Variants in WDPCP observed in about 807,000 individuals in gnomAD.
The protein encoded by WDPCP is WD repeat containing planar cell polarity effector.
In WDPCP, 71 loss-of-function variants were observed where a neutral mutation model predicts 93.1. The ratio of observed to expected loss-of-function variants is 0.76; its 90% CI spans 0.63 to 0.93. The LOEUF (loss-of-function observed/expected upper bound fraction) is 0.93. Among genes scored for constraint, WDPCP ranks in the 40% least tolerant of loss-of-function variants. The pLI, the probability that WDPCP is intolerant of heterozygous loss-of-function variation, is 0.00. For missense variants in WDPCP, 844 were observed against 887.4 expected (o/e 0.95, Z 0.62); for synonymous variants, 315 against 315.0 (o/e 1.00, Z 0.00).
chr2:63,237,048 C>A (rs888896181), intron 14 of WDPCP, among the ~76,000 whole-genome samples: 2 of 151,758 alleles, frequency 1.3e-5, no homozygotes, highest in African/African-American at 4.8e-5. Context: ...AAATAGATAA[C>A]CTACAGAATG....
intron 2 of WDPCP, among the ~76,000 whole-genome samples, chr2:63,808,250 A>G (rs1377225637): frequency 6.6e-6 from 1 of 152,088 alleles, no homozygotes; most frequent in African/African-American, 2.4e-5. Context: ...TAAAACATAG[A>G]GAACATTTTA....
upstream of WDPCP, among the ~76,000 whole-genome samples, chr2:63,828,483 G>A (rs1473395391): frequency 1.3e-5 from 2 of 152,118 alleles, no homozygotes; most frequent in South Asian, 2.1e-4. Flanking sequence ...GGGAGAGACC[G>A]TTTTACTCAT....
chr2:63,820,711 A>G (rs188201916), intron 1 of WDPCP, among the ~76,000 whole-genome samples: 25 of 152,230 alleles, frequency 1.6e-4, no homozygotes, highest in African/African-American at 5.5e-4. Flanking sequence ...TTTTTAGGAA[A>G]CGGTGGTTTT....
intron 1 of WDPCP, among the ~76,000 whole-genome samples, chr2:63,534,967 G>A (rs1279207985): frequency 2.6e-5 from 4 of 152,180 alleles, no homozygotes; most frequent in East Asian, 1.9e-4. Flanking sequence ...AAACCCCCTC[G>A]TCTCAGCCCA....
At chr2:63,488,186 A>T (rs1700677507) in intron 2 of WDPCP, among the ~76,000 whole-genome samples, 1 of 152,106 alleles carries the variant, frequency 6.6e-6, no homozygotes, top group Non-Finnish European at 1.5e-5. Context: ...TCTATGAATA[A>T]TAAAATATTT....
chr2:63,131,280 C>T (rs1451709897), intron 17 of WDPCP, among the ~76,000 whole-genome samples: 1 of 151,402 alleles, frequency 6.6e-6, no homozygotes, highest in Non-Finnish European at 1.5e-5. Flanking sequence ...TTCTTACTGC[C>T]CTCCCTTTGT....
chr2:63,571,658 C>A (rs1421525621), intron 1 of WDPCP: 2 of 468,592 alleles, frequency 4.3e-6, no homozygotes, highest in Non-Finnish European at 8.8e-6. Context: ...ATGACCTACT[C>A]CACCATTACT....
At chr2:63,308,769 G>A (rs1685948231) in intron 13 of WDPCP, among the ~76,000 whole-genome samples, 1 of 152,164 alleles carries the variant, frequency 6.6e-6, no homozygotes, top group African/African-American at 2.4e-5. Context: ...GGGAGAGACA[G>A]CATTAGGAGA....
At chr2:63,830,405 CA>C (rs912231093), upstream of WDPCP, among the ~76,000 whole-genome samples, 4 of 151,416 alleles carry the variant, frequency 2.6e-5, no homozygotes, top group Non-Finnish European at 5.9e-5. Context: ...GGTAAAAAGT[CA>C]AAAAAAGGTG....
chr2:63,192,123 A>G (rs1675098880), intron 14 of WDPCP, among the ~76,000 whole-genome samples: 1 of 152,084 alleles, frequency 6.6e-6, no homozygotes, highest in African/African-American at 2.4e-5. Context: ...CTATCTTAAC[A>G]TGTTCCTTTA....
In WDPCP at chr2:63,584,395, G is replaced by A. The variant is rs1708703918; in HGVS notation, c.75+3802C>T. The stretch of plus-strand genomic sequence containing the variant: ...ATTTTTATAAAAATTAAATCATAAT[G>A]TATATATTATTATATGGTTTGCTTT... On this transcript the variant is annotated intron_variant, in intron 1 of 17. Transcript: ENST00000272321. Among the ~76,000 whole-genome samples, 7 of 152,064 alleles carry A rather than the reference G, an allele frequency of 4.6e-5. No homozygotes were observed. The South Asian group carries it at 1.5e-3, about 32-fold the overall frequency.
chr2:63,339,073 C>T (rs1688656665), intron 12 of WDPCP, among the ~76,000 whole-genome samples: 1 of 151,968 alleles, frequency 6.6e-6, no homozygotes, highest in African/African-American at 2.4e-5. Context: ...TTACAGTTCT[C>T]CTTGTACAGA....
chr2:63,540,273 CAG>C (rs1253391411), intron 1 of WDPCP, among the ~76,000 whole-genome samples: 1 of 152,054 alleles, frequency 6.6e-6, no homozygotes, highest in Non-Finnish European at 1.5e-5. Context: ...CATATAAAGT[CAG>C]AGTATAAACA....
intron 2 of WDPCP, among the ~76,000 whole-genome samples, chr2:63,806,493 G>A (rs1003050632): frequency 6.6e-6 from 1 of 152,114 alleles, no homozygotes; most frequent in Admixed American, 6.5e-5. Flanking sequence ...ATGAAGTTTC[G>A]GGCACCATTG....
rs796544477 is a variant in WDPCP at position 63,729,540 on chromosome 2, AC to A, written n.309-78703del. Among the ~76,000 whole-genome samples, 4 of 149,674 alleles carry A rather than the reference AC, an allele frequency of 2.7e-5. 1 individual carries two copies. The highest frequency in any genetic ancestry group is 9.8e-5 in the African/African-American group (4 of 40,660). Reference sequence around the variant, plus strand: ...GCAGGGCCAGGACCCACATCTCCTAACCCCCAATTCAAAGCGCTTCCTCTGA... The same window carrying A: ...GCAGGGCCAGGACCCACATCTCCTAACCCCAATTCAAAGCGCTTCCTCTGA... On this transcript the variant is annotated intron_variant and non_coding_transcript_variant, in intron 2 of 4. Transcript: ENST00000467687.
At chr2:63,270,502 G>T (rs1306197633) in intron 13 of WDPCP, among the ~76,000 whole-genome samples, 1 of 151,898 alleles carries the variant, frequency 6.6e-6, no homozygotes, top group African/African-American at 2.4e-5. Flanking sequence ...CTTTCAAGAT[G>T]GCTAACTAGA....
chr2:63,532,657 G>T (rs1262065510), intron 1 of WDPCP, among the ~76,000 whole-genome samples: 2 of 152,112 alleles, frequency 1.3e-5, no homozygotes, highest in African/African-American at 4.8e-5. Context: ...ACAAGCAAAT[G>T]CTGAGAGATT....
chr2:63,821,548 G>A (rs1220678619), intron 1 of WDPCP, among the ~76,000 whole-genome samples: 3 of 152,116 alleles, frequency 2.0e-5, no homozygotes, highest in Non-Finnish European at 4.4e-5. Context: ...GCTGGGAGAC[G>A]TGGAAGCTTT....
chr2:63,437,721 A>G lies in WDPCP; in HGVS notation c.500-167T>C, dbSNP rs1575420690. The G allele has an allele frequency of 8.6e-6, 9 of 1,047,370 alleles. No individual in the cohort carries two copies. In the East Asian group the frequency reaches 2.4e-4, roughly 28 times the overall value. The allele number at this position is 1,047,370 out of a possible 1,614,324, so 64.9% of individuals were successfully genotyped here. ...TAAAAATATTAAAGATATTAGGAATAAACAATAATTGTCAATCTAATCATA... is the reference window on the plus strand; with the variant it reads ...TAAAAATATTAAAGATATTAGGAATGAACAATAATTGTCAATCTAATCATA... On this transcript the variant is annotated intron_variant, in intron 7 of 17. Transcript: ENST00000272321.
Sources: gnomAD v4.1 joint callset for allele counts (sites outside exome capture counted in the v4.1 genomes callset) on GRCh38, gnomAD v4.1.1 for gene constraint, MANE v1.5 for transcripts, NCBI Gene and HGNC (gene_info 2026-07-23, HGNC 2026-07-21) for gene names.